Variants in BCR observed in about 807,000 individuals in gnomAD.
The protein encoded by BCR is BCR activator of RhoGEF and GTPase.
In BCR, 58 loss-of-function variants were observed where a neutral mutation model predicts 138.6. That is an observed-to-expected ratio of 0.42 (90% CI 0.34 to 0.52). BCR has a LOEUF of 0.52. BCR is among the 20% of genes least tolerant of loss of function. The pLI, the probability that BCR is intolerant of heterozygous loss-of-function variation, is 0.06. For synonymous variants in BCR, 786 were observed against 730.1 expected (o/e 1.08, Z -1.23); for missense variants, 1,599 against 1,727.2 (o/e 0.93, Z 1.32).
intron 15 of BCR, 87 bp downstream of exon 15, chr22:23,292,725 C>T (rs2073802310): frequency 1.7e-6 from 2 of 1,165,698 alleles, no homozygotes; most frequent in East Asian, 4.9e-5. Flanking sequence ...TTCAGGGGCT[C>T]CCTGAGGGCT....
chr22:23,231,595 A>G (rs1420278301), intron 1 of BCR, among the ~76,000 whole-genome samples: 2 of 152,162 alleles, frequency 1.3e-5, no homozygotes, highest in Non-Finnish European at 2.9e-5. Context: ...TGGTGTTAAA[A>G]GGCCCATGGA....
At position 23,284,735 on chromosome 22, in the gene BCR, G is replaced by T. The variant is rs745994524; in HGVS notation, c.2238-298G>T. On this transcript the variant is annotated intron_variant, in intron 9 of 22. Coordinates refer to ENST00000305877, the MANE Select transcript of BCR (RefSeq NM_004327.4). ...TGGATTTCAGTCCTGTCCTGTCATT[G>T]TGCAGCCTTGATGTGCTCCCACATG... is the stretch of plus-strand genomic sequence containing the variant. 6.6e-6 allele frequency among the ~76,000 whole-genome samples: 1 copy of T among 152,196 alleles called. No individual in the cohort carries two copies. Among genetic ancestry groups the T allele is most frequent in the Non-Finnish European group, 1.5e-5 (1 of 68,040 alleles).
intron 1 of BCR, among the ~76,000 whole-genome samples, chr22:23,209,423 G>T (rs1485031402): frequency 6.6e-6 from 1 of 152,092 alleles, no homozygotes; most frequent in Non-Finnish European, 1.5e-5. Flanking sequence ...CACACATTTT[G>T]TTTATCCATC....
chr22:23,215,380 G>A (rs1403023714), intron 1 of BCR, among the ~76,000 whole-genome samples: 3 of 152,202 alleles, frequency 2.0e-5, no homozygotes, highest in African/African-American at 4.8e-5. Flanking sequence ...TCATTAATGG[G>A]AGAGGGGAGA....
chr22:23,223,509 C>T lies in BCR; in HGVS notation c.1280-30290C>T, dbSNP rs569465779. Among the ~76,000 whole-genome samples the T allele has an allele frequency of 1.6e-4, 24 of 152,246 alleles. No individual in the cohort carries two copies. In the South Asian group the frequency reaches 5.0e-3, roughly 32 times the overall value. ...CTCTCAAGATGAAATGAGAGCATAT[C>T]CAAAGCCCTGTGTGCACAGTCGCTC... On this transcript the variant is annotated intron_variant, in intron 1 of 22. Coordinates refer to ENST00000305877, the MANE Select transcript of BCR (RefSeq NM_004327.4).
intron 1 of BCR, among the ~76,000 whole-genome samples, chr22:23,252,221 C>G (rs567345239): frequency 4.6e-5 from 7 of 151,996 alleles, no homozygotes; most frequent in Admixed American, 3.9e-4. Context: ...GATGGGGGAA[C>G]CTGTAGCCCC....
chr22:23,234,020 C>T (rs2072992440), intron 1 of BCR, among the ~76,000 whole-genome samples: 1 of 151,916 alleles, frequency 6.6e-6, no homozygotes. Context: ...GTATACCCTG[C>T]AGATGTGATG....
chr22:23,209,126 G>T (rs548275147), intron 1 of BCR, among the ~76,000 whole-genome samples: 1 of 152,120 alleles, frequency 6.6e-6, no homozygotes, highest in East Asian at 1.9e-4. Flanking sequence ...TTGGTAGGCC[G>T]AAGTGTGGAT....
At position 23,279,899 on chromosome 22, in the gene BCR, G is replaced by C. The variant is rs77117959; in HGVS notation, c.2116-4078G>C. Reference sequence around the variant, plus strand: ...AGTGGTGGAGGCTGGAGATCCGGCAGGGTGCCAGCAGGGTCAGGTTCTGAT... The same window carrying C: ...AGTGGTGGAGGCTGGAGATCCGGCACGGTGCCAGCAGGGTCAGGTTCTGAT... On this transcript the variant is annotated intron_variant, in intron 8 of 22. Coordinates refer to ENST00000305877, the MANE Select transcript of BCR (RefSeq NM_004327.4). Among the ~76,000 whole-genome samples, 327 of 152,324 alleles carry C rather than the reference G, an allele frequency of 2.1e-3. 1 individual carries two copies. The highest frequency in any genetic ancestry group is 7.5e-3 in the African/African-American group (312 of 41,566).
Position 23,253,908 on chromosome 22 carries a change from G to A in BCR, c.1389G>A (p.Ser463=), listed in dbSNP as rs547409270. Residue 463 remains serine, a synonymous_variant, in exon 2 of 23, where the codon TCG becomes TCA. Coordinates refer to ENST00000305877, the MANE Select transcript of BCR (RefSeq NM_004327.4). ...LPYIDDSPSS[S]PHLSSKGRGS... is the part of the protein sequence containing the mutation. ...ACATTGATGACTCGCCCTCCTCATC[G>A]CCCCACCTCAGCAGCAAGGGCAGGG... The A allele has an allele frequency of 3.2e-5, 51 of 1,613,042 alleles. No homozygotes were observed. In the East Asian group the frequency reaches 8.5e-4, roughly 27 times the overall value.
chr22:23,283,129 T>A (rs909091409), intron 8 of BCR: 1 of 152,258 alleles, frequency 6.6e-6, no homozygotes, highest in Non-Finnish European at 1.5e-5. Context: ...CCCAACCCTG[T>A]GAGGTACCAG....
chr22:23,232,716 C>T (rs2072972800), intron 1 of BCR, among the ~76,000 whole-genome samples: 1 of 152,218 alleles, frequency 6.6e-6, no homozygotes, highest in Non-Finnish European at 1.5e-5. Context: ...GCCCCATCTG[C>T]CTCCTCCTTC....
intron 4 of BCR, among the ~76,000 whole-genome samples, chr22:23,262,453 T>G (rs536171795): frequency 2.4e-4 from 37 of 152,278 alleles, no homozygotes; most frequent in African/African-American, 8.9e-4. Flanking sequence ...AGAAGGCACT[T>G]AATTTGTTCC....
intron 7 of BCR, 45 bp from the exon 8 acceptor site, chr22:23,273,582 GCAGGTGC>G: frequency 6.2e-7 from 1 of 1,608,502 alleles, no homozygotes; most frequent in Non-Finnish European, 8.5e-7. Context: ...GCACACAGTG[GCAGGTGC>G]CAGTGCTCCT....
chr22:23,301,158 T>C (rs2073898128), intron 16 of BCR, among the ~76,000 whole-genome samples: 1 of 152,156 alleles, frequency 6.6e-6, no homozygotes, highest in African/African-American at 2.4e-5. Context: ...ACAAAAAAAT[T>C]AGCCAGGCGC....
chr22:23,313,106 G>A, intron 20 of BCR, 85 bp downstream of exon 20: 1 of 1,492,266 alleles, frequency 6.7e-7, no homozygotes, highest in South Asian at 1.2e-5. Flanking sequence ...GTGAGGTGTG[G>A]GAACCCAAGC....
chr22:23,206,333 G>A (rs1369470327), intron 1 of BCR, among the ~76,000 whole-genome samples: 12 of 152,180 alleles, frequency 7.9e-5, no homozygotes, highest in Non-Finnish European at 1.6e-4. Context: ...CCAGCACTTT[G>A]GGAGGCCAAG....
At chr22:23,279,589 A>G (rs1366250089) in intron 8 of BCR, among the ~76,000 whole-genome samples, 1 of 152,100 alleles carries the variant, frequency 6.6e-6, no homozygotes, top group Non-Finnish European at 1.5e-5. Flanking sequence ...GGGCCCCCCC[A>G]CCAGCCAGCA....
At chr22:23,243,880 A>G (rs541126559) in intron 1 of BCR, among the ~76,000 whole-genome samples, 1 of 152,008 alleles carries the variant, frequency 6.6e-6, no homozygotes, top group African/African-American at 2.4e-5. Flanking sequence ...TGACCTTGTG[A>G]TCCGCCTGCC....
Sources: gnomAD v4.1 joint callset for allele counts (sites outside exome capture counted in the v4.1 genomes callset) on GRCh38, gnomAD v4.1.1 for gene constraint, MANE v1.5 for transcripts, NCBI Gene and HGNC (gene_info 2026-07-23, HGNC 2026-07-21) for gene names.